HHIP: variants seen among roughly 807,000 people sequenced by gnomAD.
HHIP encodes hedgehog interacting protein.
HHIP carries 12 observed loss-of-function variants against 74.0 expected under a neutral mutation model. That is an observed-to-expected ratio of 0.16 (90% CI 0.10 to 0.26). The LOEUF is 0.26. HHIP is among the 10% of genes least tolerant of loss of function. HHIP has a pLI of 1.00. For synonymous variants in HHIP, 309 were observed against 311.6 expected (o/e 0.99, Z 0.09); for missense variants, 788 against 845.0 (o/e 0.93, Z 0.84).
In HHIP at chr4:144,712,001, G is replaced by T. The variant is rs759281056; in HGVS notation, c.1353G>T (p.Leu451=). The part of the protein sequence containing the change: ...PTDININLTI[L]CSDSNGKNRS... The stretch of plus-strand genomic sequence containing the variant: ...ATATAAACATCAATTTAACGATACT[G>T]TGTTCAGACTCCAATGGAAAAAACA... The change falls in exon 8 of 13, where the codon CTG becomes CTT. Residue 451 remains leucine, a synonymous_variant. Transcript: ENST00000296575. 27 of 1,611,040 alleles carry T rather than the reference G, an allele frequency of 1.7e-5. No homozygotes were observed. In the African/African-American group the frequency reaches 3.3e-4, roughly 20 times the overall value.
chr4:144,651,925 G>A (rs1351071395), intron 1 of HHIP, among the ~76,000 whole-genome samples: 2 of 151,916 alleles, frequency 1.3e-5, no homozygotes, highest in Non-Finnish European at 2.9e-5. Flanking sequence ...GTTTATTCAT[G>A]CATATAACAT....
At chr4:144,720,852 A>G (rs1057104386) in intron 11 of HHIP, among the ~76,000 whole-genome samples, 8 of 152,108 alleles carry the variant, frequency 5.3e-5, no homozygotes, top group Non-Finnish European at 7.4e-5. Context: ...TTGGCCATCA[A>G]CGTTTATTAT....
intron 4 of HHIP, 88 bp from the exon 5 acceptor site, chr4:144,706,443 A>C (rs1273317979): frequency 9.2e-7 from 1 of 1,082,666 alleles, no homozygotes; most frequent in Non-Finnish European, 1.3e-6. Context: ...TCCAAAAGAA[A>C]GAAAGAGACT....
rs751659369 is a variant in HHIP at position 144,646,631 on chromosome 4, C to T, written c.-45C>T. 1.9e-6 allele frequency: 3 copies of T among 1,574,516 alleles called. No homozygotes were observed. The highest frequency in any genetic ancestry group is 2.6e-6 in the Non-Finnish European group (3 of 1,155,604). On this transcript the variant is annotated 5_prime_UTR_variant, in exon 1 of 13. Coordinates refer to ENST00000296575, the MANE Select transcript of HHIP (RefSeq NM_022475.3). Reference sequence around the variant, plus strand: ...AGTGCCCCTGCTGGGCAGTGGCGTTCCCCCCCATCCTCCCGCGCCCAGCCC... The same window carrying T: ...AGTGCCCCTGCTGGGCAGTGGCGTTTCCCCCCATCCTCCCGCGCCCAGCCC...
chr4:144,723,033 A>G (rs1054117203), intron 11 of HHIP, among the ~76,000 whole-genome samples: 31 of 152,240 alleles, frequency 2.0e-4, no homozygotes, highest in African/African-American at 5.8e-4. Context: ...GTATTGACAA[A>G]TATTATTTAA....
rs1170284923 is a variant in HHIP, at chr4:144,739,609, T to C, written c.*1652T>C. ...AGATTGGTTAAGTACACTGCTCTTG[T>C]CTTCCATATATGATTACTTAAGTTT... On this transcript the variant is annotated 3_prime_UTR_variant, in exon 13 of 13. Transcript: ENST00000296575. 6.6e-6 allele frequency: 1 copy of C among 152,262 alleles called. No individual in the cohort carries two copies. Among genetic ancestry groups the C allele is most frequent in the African/African-American group, 2.4e-5 (1 of 41,480 alleles). The allele number at this position is 152,262 out of a possible 1,614,324, so 9.4% of individuals were successfully genotyped here. A position where few individuals can be genotyped will look rare whatever the true frequency, so the allele number is the denominator to read the frequency against.
In HHIP at chr4:144,729,844, T is replaced by C. The variant is rs550977502; in HGVS notation, c.1761-4897T>C. Among the ~76,000 whole-genome samples, 58 of 152,270 alleles carry C rather than the reference T, an allele frequency of 3.8e-4. 1 individual carries two copies. The East Asian group carries it at 8.5e-3, about 22-fold the overall frequency. ...ATAAGTATTATTCTTGATCTGCATATCTTGTTTCACAATGAAATGAATTCA... is the reference window on the plus strand; with the variant it reads ...ATAAGTATTATTCTTGATCTGCATACCTTGTTTCACAATGAAATGAATTCA... On this transcript the variant is annotated intron_variant, in intron 11 of 12. Coordinates refer to ENST00000296575, the MANE Select transcript of HHIP (RefSeq NM_022475.3).
intron 11 of HHIP, among the ~76,000 whole-genome samples, chr4:144,723,051 T>G (rs1169621024): frequency 6.6e-6 from 1 of 152,196 alleles, no homozygotes; most frequent in Non-Finnish European, 1.5e-5. Flanking sequence ...TAATTTTTGT[T>G]TCAGATGAAC....
At chr4:144,729,239 T>A (rs183748957) in intron 11 of HHIP, among the ~76,000 whole-genome samples, 1 of 152,198 alleles carries the variant, frequency 6.6e-6, no homozygotes, top group East Asian at 1.9e-4. Flanking sequence ...AAGTGATGAG[T>A]ATTGGCTTAA....
chr4:144,670,512 G>A (rs563336359), intron 4 of HHIP, among the ~76,000 whole-genome samples: 22 of 150,352 alleles, frequency 1.5e-4, no homozygotes, highest in Non-Finnish European at 2.8e-4. Context: ...AAGTAATTGC[G>A]GTTTTTGCCA....
At chr4:144,699,422 T>C (rs1387542277) in intron 4 of HHIP, among the ~76,000 whole-genome samples, 3 of 152,088 alleles carry the variant, frequency 2.0e-5, no homozygotes, top group Non-Finnish European at 4.4e-5. Flanking sequence ...GTGAACCCTA[T>C]TGTTTAGGGT....
chr4:144,721,835 G>C (rs1730646112), intron 11 of HHIP, among the ~76,000 whole-genome samples: 1 of 151,822 alleles, frequency 6.6e-6, no homozygotes, highest in Non-Finnish European at 1.5e-5. Flanking sequence ...CCCAGGAGGA[G>C]GAGGTTGCAG....
intron 4 of HHIP, among the ~76,000 whole-genome samples, chr4:144,705,229 C>A (rs1439807519): frequency 6.6e-6 from 1 of 152,156 alleles, no homozygotes; most frequent in East Asian, 1.9e-4. Flanking sequence ...TCTGCCTAAA[C>A]CTTTCAATTC....
In HHIP at chr4:144,650,064, C is replaced by T. The variant is rs1474577961; in HGVS notation, c.280-2541C>T. 2.0e-5 allele frequency among the ~76,000 whole-genome samples: 3 copies of T among 152,236 alleles called. No individual in the cohort carries two copies. The East Asian group carries it at 5.8e-4, about 29-fold the overall frequency. On this transcript the variant is annotated intron_variant, in intron 1 of 12. Transcript: ENST00000296575. ...ATCTTAATATACTGTCATGTATTTT[C>T]TCCTTTTGTCCCCTCATCGAACCCA...
At chr4:144,699,267 C>T (rs1447137466) in intron 4 of HHIP, among the ~76,000 whole-genome samples, 1 of 152,126 alleles carries the variant, frequency 6.6e-6, no homozygotes, top group Non-Finnish European at 1.5e-5. Flanking sequence ...TCATAGAACA[C>T]AGGAAAGCAC....
At chr4:144,705,102 G>C (rs1394958356) in intron 4 of HHIP, among the ~76,000 whole-genome samples, 1 of 152,128 alleles carries the variant, frequency 6.6e-6, no homozygotes, top group East Asian at 1.9e-4. Context: ...TGTATTTGCA[G>C]CCATTTTAAT....
chr4:144,670,891 A>G (rs1729021206), intron 4 of HHIP, among the ~76,000 whole-genome samples: 1 of 152,088 alleles, frequency 6.6e-6, no homozygotes, highest in Admixed American at 6.5e-5. Context: ...AGGCTTCCGT[A>G]AGTGCAAATA....
chr4:144,690,938 A>G (rs1729643734), intron 4 of HHIP, among the ~76,000 whole-genome samples: 1 of 152,184 alleles, frequency 6.6e-6, no homozygotes, highest in Non-Finnish European at 1.5e-5. Flanking sequence ...CAAAGAAAAC[A>G]GCTTTATCTG....
intron 1 of HHIP, among the ~76,000 whole-genome samples, chr4:144,651,932 A>C (rs951089679): frequency 1.3e-5 from 2 of 152,210 alleles, no homozygotes; most frequent in Admixed American, 6.6e-5. Flanking sequence ...CATGCATATA[A>C]CATACCTGAG....
Sources: allele counts gnomAD v4.1 joint callset (sites outside exome capture counted in the v4.1 genomes callset), GRCh38; gene constraint gnomAD v4.1.1; transcripts MANE v1.5; gene names NCBI Gene and HGNC (gene_info 2026-07-23, HGNC 2026-07-21).